MCEE: variants seen among roughly 807,000 people sequenced by gnomAD.
The protein encoded by MCEE is methylmalonyl-CoA epimerase, also known as methylmalonyl-CoA epimerase, mitochondrial.
MCEE carries 6 observed loss-of-function variants against 12.9 expected under a neutral mutation model. That is an observed-to-expected ratio of 0.47 (90% CI 0.26 to 0.92). MCEE has a LOEUF of 0.92. Ranked by LOEUF, MCEE falls within the 40% of genes least tolerant of loss-of-function variation. The pLI is 0.16. For missense variants in MCEE, 214 were observed against 212.1 expected, an observed-to-expected ratio of 1.01 and a Z score of -0.05; for synonymous variants, 78 against 77.9, an observed-to-expected ratio of 1.00 and a Z score of -0.01.
At chr2:71,120,933 C>T (rs1172352310) in intron 2 of MCEE, among the ~76,000 whole-genome samples, 1 of 152,078 alleles carries the variant, frequency 6.6e-6, no homozygotes, top group Non-Finnish European at 1.5e-5. Context: ...GATGGGGTTT[C>T]ACCGTGTTGC....
chr2:71,112,549 C>T (rs914832702), intron 2 of MCEE, among the ~76,000 whole-genome samples: 1 of 149,728 alleles, frequency 6.7e-6, no homozygotes, highest in Admixed American at 6.8e-5. Flanking sequence ...GATTCTCCTG[C>T]CTCAGCCTCC....
chr2:71,128,904 G>A (rs951106214), intron 1 of MCEE, among the ~76,000 whole-genome samples: 149 of 151,282 alleles, frequency 9.8e-4, no homozygotes, highest in African/African-American at 3.5e-3. Flanking sequence ...GCGGAAGAAT[G>A]GCTTGAACCT....
chr2:71,119,610 A>G (rs1673060517), intron 2 of MCEE, among the ~76,000 whole-genome samples: 1 of 150,470 alleles, frequency 6.6e-6, no homozygotes, highest in Admixed American at 6.6e-5. Context: ...AATGAGGAGC[A>G]TGTGTGAATA....
intron 2 of MCEE, among the ~76,000 whole-genome samples, chr2:71,123,492 CAA>C (rs58746349): frequency 5.2e-4 from 54 of 103,986 alleles, no homozygotes; most frequent in Middle Eastern, 5.0e-3. Context: ...GACTCCGTCT[CAA>C]AAAAAAAAAA....
Position 71,124,311 on chromosome 2 carries a change from C to T in MCEE, c.273G>A (p.Leu91=), listed in dbSNP as rs1673169605. 1 of 1,614,038 alleles carries T rather than the reference C, an allele frequency of 6.2e-7. No individual in the cohort carries two copies. The highest frequency in any genetic ancestry group is 1.1e-5 in the South Asian group (1 of 91,084). ...GAAGCAGTTCCATCTTGGTATTTCC[C>T]AGGTTGACAAAAACAACAGATACTC... ...EHGVSVVFVN[L]GNTKMELLHP... The change falls in exon 2 of 3, where the codon CTG becomes CTA. Residue 91 remains leucine, a synonymous_variant. Coordinates refer to ENST00000244217, the MANE Select transcript of MCEE (RefSeq NM_032601.4).
chr2:71,120,994 C>T (rs1572889766), intron 2 of MCEE, among the ~76,000 whole-genome samples: 1 of 152,214 alleles, frequency 6.6e-6, no homozygotes. Flanking sequence ...ACCTCGGCCT[C>T]CCAAAGTGCT....
At chr2:71,130,142 C>G (rs1180680582) in intron 1 of MCEE, 38 bp downstream of exon 1, 1 of 1,600,504 alleles carries the variant, frequency 6.2e-7, no homozygotes, top group Non-Finnish European at 8.5e-7. Flanking sequence ...CCCACGCTCC[C>G]TGTCCCATGG....
chr2:71,114,241 T>G (rs1672948392), intron 2 of MCEE, among the ~76,000 whole-genome samples: 1 of 152,140 alleles, frequency 6.6e-6, no homozygotes, highest in Admixed American at 6.6e-5. Context: ...ATACAAGGCT[T>G]AATATCTAGG....
chr2:71,110,221 T>C (rs1489552844), intron 2 of MCEE, 99 bp from the exon 3 acceptor site: 14 of 972,014 alleles, frequency 1.4e-5, no homozygotes, highest in Non-Finnish European at 2.1e-5. Context: ...TCATGCAGTC[T>C]ATCTCCTCTG....
chr2:71,129,833 C>A, intron 1 of MCEE: 1 of 414,928 alleles, frequency 2.4e-6, no homozygotes, highest in African/African-American at 2.0e-5. Flanking sequence ...TATTGGTGCG[C>A]GGTAAAATAA....
At chr2:71,129,403 G>T (rs975179258) in intron 1 of MCEE, among the ~76,000 whole-genome samples, 3 of 151,824 alleles carry the variant, frequency 2.0e-5, no homozygotes, top group Admixed American at 2.0e-4. Context: ...GAATGTCCCG[G>T]AGTAACTCTG....
Position 71,124,205 on chromosome 2 carries a change from C to T in MCEE, c.378+1G>A. On this transcript the variant is annotated splice_donor_variant, in intron 2 of 2. Coordinates refer to ENST00000244217, the MANE Select transcript of MCEE (RefSeq NM_032601.4). LOFTEE classifies it high-confidence loss of function. Reference sequence around the variant, plus strand: ...ACCAGGCATTAAAATAATTAAAATACCTCGATGCAGATGTGATGCATTCCT... The same window carrying T: ...ACCAGGCATTAAAATAATTAAAATATCTCGATGCAGATGTGATGCATTCCT... 6.2e-7 allele frequency: 1 copy of T among 1,606,990 alleles called. No individual in the cohort carries two copies. The highest frequency in any genetic ancestry group is 8.5e-7 in the Non-Finnish European group (1 of 1,173,810).
intron 2 of MCEE, among the ~76,000 whole-genome samples, chr2:71,110,460 T>G (rs1672864907): frequency 6.6e-6 from 1 of 152,192 alleles, no homozygotes. Context: ...CTGAGAACCC[T>G]GGGTCCTCAT....
At chr2:71,115,918 A>ATAAGGTTTGTT (rs1352925023) in intron 2 of MCEE, among the ~76,000 whole-genome samples, 5 of 149,588 alleles carry the variant, frequency 3.3e-5, no homozygotes, top group Admixed American at 6.6e-5. Flanking sequence ...CTTATGTAAC[A>ATAAGGTTTGTT]AACCTGCACG....
intron 2 of MCEE, among the ~76,000 whole-genome samples, chr2:71,115,634 A>G (rs1261696411): frequency 6.6e-6 from 1 of 150,418 alleles, no homozygotes; most frequent in Non-Finnish European, 1.5e-5. Context: ...ATGCAGAGCA[A>G]TTTGATTTGG....
Position 71,130,224 on chromosome 2 carries a change from G to T in MCEE, c.-5C>A, listed in dbSNP as rs1170840394. On this transcript the variant is annotated 5_prime_UTR_variant, in exon 1 of 3. Coordinates refer to ENST00000244217, the MANE Select transcript of MCEE (RefSeq NM_032601.4). ...AGCCTTCAGCACCCGCGCCATTTTG[G>T]AAAGCAACCCGCCACGTCAAGACTA... 1 of 1,606,876 alleles carries T rather than the reference G, an allele frequency of 6.2e-7. No individual in the cohort carries two copies. Among genetic ancestry groups the T allele is most frequent in the Non-Finnish European group, 8.5e-7 (1 of 1,177,478 alleles).
chr2:71,110,983 C>T (rs974821015), intron 2 of MCEE: 13 of 152,142 alleles, frequency 8.5e-5, no homozygotes, highest in African/African-American at 3.1e-4. Flanking sequence ...ACTAGTTTAA[C>T]ACCCATGTAC....
chr2:71,112,079 T>C (rs139390853), intron 2 of MCEE, among the ~76,000 whole-genome samples: 2 of 152,308 alleles, frequency 1.3e-5, no homozygotes, highest in African/African-American at 4.8e-5. Context: ...TTTACTTTGA[T>C]TGCTTTTAAG....
At chr2:71,122,544 G>A (rs941300921) in intron 2 of MCEE, among the ~76,000 whole-genome samples, 1 of 152,228 alleles carries the variant, frequency 6.6e-6, no homozygotes, top group Non-Finnish European at 1.5e-5. Flanking sequence ...AGAAGGCAAG[G>A]AGGAGCAAGT....
Sources: allele counts gnomAD v4.1 joint callset (sites outside exome capture counted in the v4.1 genomes callset), GRCh38; gene constraint gnomAD v4.1.1; transcripts MANE v1.5; gene names NCBI Gene and HGNC (gene_info 2026-07-23, HGNC 2026-07-21).